PRPF8: variants seen among roughly 807,000 people sequenced by gnomAD.
The protein encoded by PRPF8 is pre-mRNA processing factor 8.
PRPF8 carries 64 observed loss-of-function variants against 285.9 expected under a neutral mutation model. The ratio of observed to expected loss-of-function variants is 0.22; its 90% CI spans 0.18 to 0.28. The LOEUF (loss-of-function observed/expected upper bound fraction) is 0.28. Among genes scored for constraint, PRPF8 ranks in the 10% least tolerant of loss-of-function variants. The pLI, the probability that PRPF8 is intolerant of heterozygous loss-of-function variation, is 1.00. For synonymous variants in PRPF8, 1,325 were observed against 1,118.2 expected (o/e 1.18, Z -3.69); for missense variants, 1,426 against 3,026.7 (o/e 0.47, Z 12.41).
chr17:1,657,140 AAC>A (rs1911428234), intron 34 of PRPF8, among the ~76,000 whole-genome samples: 1 of 152,186 alleles, frequency 6.6e-6, no homozygotes, highest in Non-Finnish European at 1.5e-5. Flanking sequence ...ATACAAGCAA[AAC>A]ACAGATTTGG....
chr17:1,654,218 T>C (rs1042241663), intron 37 of PRPF8: 2 of 726,050 alleles, frequency 2.8e-6, no homozygotes, highest in African/African-American at 1.7e-5. Context: ...GACAGCACAC[T>C]GCGTGTGCAC....
Position 1,653,753 on chromosome 17 carries a change from C to T in PRPF8, c.6227+24G>A. ...TAGGTAGTGCAGCCGGCCTTTCCAT[C>T]CCCACCCTCTTGCCCGACAGTACCT... On this transcript the variant is annotated intron_variant, in intron 38 of 42. Coordinates refer to ENST00000304992, the MANE Select transcript of PRPF8 (RefSeq NM_006445.4). This position sits in a 1 kb window ranked among gnomAD's most constrained non-coding sequence, Gnocchi z 4.9. The T allele has an allele frequency of 6.2e-7, 1 of 1,614,114 alleles. No homozygotes were observed. Among genetic ancestry groups the T allele is most frequent in the Non-Finnish European group, 8.5e-7 (1 of 1,180,012 alleles).
intron 24 of PRPF8, among the ~76,000 whole-genome samples, chr17:1,669,923 G>A (rs950065634): frequency 6.6e-6 from 1 of 152,012 alleles, no homozygotes; most frequent in African/African-American, 2.4e-5. Flanking sequence ...TTGACCTTTT[G>A]TGGATAGGCT....
At position 1,653,766 on chromosome 17, in the gene PRPF8, C is replaced by T; in HGVS notation, c.6227+11G>A. 6.2e-7 allele frequency: 1 copy of T among 1,614,150 alleles called. No individual in the cohort carries two copies. The highest frequency in any genetic ancestry group is 8.5e-7 in the Non-Finnish European group (1 of 1,180,030). The stretch of plus-strand genomic sequence containing the variant: ...CGGCCTTTCCATCCCCACCCTCTTG[C>T]CCGACAGTACCTGACCCTCCACTCA... On this transcript the variant is annotated intron_variant, in intron 38 of 42. Transcript: ENST00000304992. The surrounding 1 kb of genome is among the most constrained non-coding windows in gnomAD (Gnocchi z 4.9).
In PRPF8 at chr17:1,659,441, A is replaced by G; in HGVS notation, c.5054T>C (p.Leu1685Pro). The change falls in exon 32 of 43, where the codon CTG becomes CCG. Residue 1685 changes from leucine (L) to proline (P), a missense_variant. Leu to Pro is a moderately conservative substitution (Grantham distance 98, BLOSUM62 -3). Transcript: ENST00000304992. The surrounding 1 kb of genome is among the most constrained non-coding windows in gnomAD (Gnocchi z 5.1). ...ACTCATGTTGTCGGTGGTGTAGTCC[A>G]GGAACTTGGCCCGGGCGTAGCGCTC... ...DIERYARAKF[L>P]DYTTDNMSIY... is the part of the protein sequence containing the mutation. The G allele has an allele frequency of 6.2e-7, 1 of 1,614,082 alleles. No homozygotes were observed. The highest frequency in any genetic ancestry group is 8.5e-7 in the Non-Finnish European group (1 of 1,180,030).
intron 2 of PRPF8, among the ~76,000 whole-genome samples, chr17:1,683,928 C>T (rs942475727): frequency 1.3e-5 from 2 of 151,352 alleles, no homozygotes; most frequent in Non-Finnish European, 2.9e-5. Context: ...ACTCTGTCTC[C>T]CAGGCTGGAG....
In PRPF8 at chr17:1,651,012, C is replaced by G; in HGVS notation, c.6854-56G>C. On this transcript the variant is annotated intron_variant, in intron 42 of 42. Coordinates refer to ENST00000304992, the MANE Select transcript of PRPF8 (RefSeq NM_006445.4). The surrounding 1 kb of genome is among the most constrained non-coding windows in gnomAD (Gnocchi z 5.1). ...CAGGGCTCCTGCCTCATGCAGCCTGCGCCACCTCCAAGCCAGCCAGGCCCC... is the reference window on the plus strand; with the variant it reads ...CAGGGCTCCTGCCTCATGCAGCCTGGGCCACCTCCAAGCCAGCCAGGCCCC... 1 of 1,613,946 alleles carries G rather than the reference C, an allele frequency of 6.2e-7. No individual in the cohort carries two copies. Among genetic ancestry groups the G allele is most frequent in the Non-Finnish European group, 8.5e-7 (1 of 1,179,870 alleles).
intron 2 of PRPF8, among the ~76,000 whole-genome samples, 191 bp downstream of exon 2, chr17:1,684,281 C>G (rs1913105412): frequency 6.6e-6 from 1 of 152,258 alleles, no homozygotes; most frequent in Non-Finnish European, 1.5e-5. Flanking sequence ...GTCTCCGTCA[C>G]TACTGTACCC....
chr17:1,652,531 C>G (rs1320706560), intron 39 of PRPF8, among the ~76,000 whole-genome samples: 9 of 152,116 alleles, frequency 5.9e-5, no homozygotes, highest in Non-Finnish European at 7.4e-5. Context: ...ATCCCTGATA[C>G]ACTAGTAAAG....
At chr17:1,671,767 C>T (rs1023805187) in intron 24 of PRPF8, among the ~76,000 whole-genome samples, 2 of 144,948 alleles carry the variant, frequency 1.4e-5, no homozygotes, top group Non-Finnish European at 3.0e-5. Flanking sequence ...AGGAGAATGG[C>T]GTGAACCTGG....
chr17:1,679,737 G>A lies in PRPF8; in HGVS notation c.1161C>T (p.Phe387=). The stretch of plus-strand genomic sequence containing the variant: ...CTGTATAGAGGGGTGTGTCCTTCAG[G>A]AAGGGCTCCACAAACTCCGGGAGCT... ...EFELPEFVEP[F]LKDTPLYTDN... Residue 387 remains phenylalanine (F), a synonymous_variant, in exon 9 of 43, where the codon TTC becomes TTT. Transcript: ENST00000304992. This position sits in a 1 kb window ranked among gnomAD's most constrained non-coding sequence, Gnocchi z 4.7. 1 of 1,614,172 alleles carries A rather than the reference G, an allele frequency of 6.2e-7. No homozygotes were observed. Among genetic ancestry groups the A allele is most frequent in the Non-Finnish European group, 8.5e-7 (1 of 1,180,038 alleles).
At chr17:1,683,810 A>T in intron 2 of PRPF8, 109 bp from the exon 3 acceptor site, 1 of 1,280,902 alleles carries the variant, frequency 7.8e-7, no homozygotes, top group Non-Finnish European at 1.1e-6. Flanking sequence ...AGCAGGCACC[A>T]GCAGGAAGAA....
intron 24 of PRPF8, among the ~76,000 whole-genome samples, chr17:1,669,591 G>A (rs1912196904): frequency 6.6e-6 from 1 of 152,150 alleles, no homozygotes; most frequent in African/African-American, 2.4e-5. Flanking sequence ...CACTTCCCAT[G>A]AAGCCTCACC....
Position 1,659,256 on chromosome 17 carries a change from G to T in PRPF8, c.5138+101C>A. The stretch of plus-strand genomic sequence containing the variant: ...GCCCAGACTGGTCTCAAACTCCTGA[G>T]CTCAGACAATCTGCCCACCGCGGCC... On this transcript the variant is annotated intron_variant, in intron 32 of 42. Coordinates refer to ENST00000304992, the MANE Select transcript of PRPF8 (RefSeq NM_006445.4). The surrounding 1 kb of genome is among the most constrained non-coding windows in gnomAD (Gnocchi z 5.1). The T allele has an allele frequency of 1.5e-6, 2 of 1,347,000 alleles. No homozygotes were observed. The highest frequency in any genetic ancestry group is 1.4e-5 in the African/African-American group (1 of 69,748). The allele number at this position is 1,347,000 out of a possible 1,614,324, so 83.4% of individuals were successfully genotyped here. A position where few individuals can be genotyped will look rare whatever the true frequency, so the allele number is the denominator to read the frequency against.
intron 8 of PRPF8, chr17:1,680,504 G>C (rs1912855026): frequency 1.6e-6 from 1 of 613,592 alleles, no homozygotes; most frequent in African/African-American, 1.8e-5. Flanking sequence ...GAGCACCCAA[G>C]AAAAGAACCG....
chr17:1,656,479 G>GA lies in PRPF8; in HGVS notation c.5705dup (p.Gly1903ArgfsTer6). 1 of 1,614,114 alleles carries GA rather than the reference G, an allele frequency of 6.2e-7. No individual in the cohort carries two copies. Among genetic ancestry groups the GA allele is most frequent in the Non-Finnish European group, 8.5e-7 (1 of 1,180,016 alleles). On this transcript the variant is annotated frameshift_variant, in exon 36 of 43. Coordinates refer to ENST00000304992, the MANE Select transcript of PRPF8 (RefSeq NM_006445.4). LOFTEE classifies it high-confidence loss of function. ...CAGTGGCTTTAAGGATGAGATCCCCGAATTTTTCCACCTTGAGACACGCCT... is the reference window on the plus strand; with the variant it reads ...CAGTGGCTTTAAGGATGAGATCCCCGAAATTTTTCCACCTTGAGACACGCCT...
intron 6 of PRPF8, 120 bp from the exon 7 acceptor site, chr17:1,681,174 G>A (rs1912901961): frequency 1.9e-5 from 22 of 1,135,990 alleles, no homozygotes; most frequent in Non-Finnish European, 2.7e-5. Context: ...GACCTCCTGG[G>A]CTCAAACAAT....
Position 1,676,852 on chromosome 17 carries a change from T to G in PRPF8, c.2181+124A>C. The G allele has an allele frequency of 6.8e-7, 1 of 1,481,048 alleles. No individual in the cohort carries two copies. Among genetic ancestry groups the G allele is most frequent in the Non-Finnish European group, 9.3e-7 (1 of 1,070,780 alleles). The allele number at this position is 1,481,048 out of a possible 1,614,324, so 91.7% of individuals were successfully genotyped here. On this transcript the variant is annotated intron_variant, in intron 15 of 42. Transcript: ENST00000304992. The surrounding 1 kb of genome is among the most constrained non-coding windows in gnomAD (Gnocchi z 6.3). ...CCAGCCTAAGCAACATGGTGCTTCT[T>G]TTCCCTGTCTAAAAGGGAAAAGAAA...
In PRPF8 at chr17:1,658,390, G is replaced by C; in HGVS notation, c.5377-9C>G. ...AAGTTCCCTTCAAAGGTCTAGAGGA[G>C]GACGGCATTCGTTAGCATGGCCTAC... On this transcript the variant is annotated splice_polypyrimidine_tract_variant and intron_variant, in intron 33 of 42. Coordinates refer to ENST00000304992, the MANE Select transcript of PRPF8 (RefSeq NM_006445.4). The surrounding 1 kb of genome is among the most constrained non-coding windows in gnomAD (Gnocchi z 4.1). 1 of 1,614,176 alleles carries C rather than the reference G, an allele frequency of 6.2e-7. No individual in the cohort carries two copies. Among genetic ancestry groups the C allele is most frequent in the Non-Finnish European group, 8.5e-7 (1 of 1,180,034 alleles).
Sources: gnomAD v4.1 joint callset for allele counts (sites outside exome capture counted in the v4.1 genomes callset) on GRCh38, gnomAD v4.1.1 for gene constraint, Gnocchi (gnomAD v3.1) non-coding constraint, MANE v1.5 for transcripts, NCBI Gene and HGNC (gene_info 2026-07-23, HGNC 2026-07-21) for gene names.